Variants in CELSR1 observed in about 807,000 individuals in gnomAD.
The protein encoded by CELSR1 is cadherin EGF LAG seven-pass G-type receptor 1.
Under a neutral mutation model 249.1 loss-of-function variants are expected in CELSR1, and 110 were observed. The observed-to-expected ratio is 0.44, with a 90% CI of 0.38 to 0.52. The LOEUF is 0.52. Among genes scored for constraint, CELSR1 ranks in the 20% least tolerant of loss-of-function variants. The probability of loss-of-function intolerance (pLI) is 0.00; values close to 1 mark genes in which losing one functional copy is unlikely to be tolerated. For synonymous variants in CELSR1, 2,113 were observed against 1,900.0 expected (o/e 1.11, Z -2.92); for missense variants, 4,109 against 4,296.4 (o/e 0.96, Z 1.22).
rs543152062 is a variant in CELSR1 at position 46,521,436 on chromosome 22, C to T, written c.3544+12191G>A. ...AGGAGAATGGCATGAACCCGGGAGG[C>T]GGAGCTTGCAGTGAGCCGAGATCGC... On this transcript the variant is annotated intron_variant, in intron 1 of 34. Transcript: ENST00000674500. Among the ~76,000 whole-genome samples, 351 of 150,824 alleles carry T rather than the reference C, an allele frequency of 2.3e-3. 2 individuals carry two copies. Among genetic ancestry groups the T allele is most frequent in the Non-Finnish European group, 1.9e-4 (13 of 67,746 alleles).
rs1221383194 is a variant in CELSR1 at position 46,393,147 on chromosome 22, TC to T, written c.5964+994del. 6.6e-6 allele frequency among the ~76,000 whole-genome samples: 1 copy of T among 152,150 alleles called. No individual in the cohort carries two copies. The highest frequency in any genetic ancestry group is 2.4e-5 in the African/African-American group (1 of 41,428). On this transcript the variant is annotated intron_variant, in intron 14 of 34. Transcript: ENST00000674500. This position sits in a 1 kb window ranked among gnomAD's most constrained non-coding sequence, Gnocchi z 4.1. ...CAGCCGCATCTGCAGGAAGCTCACG[TC>T]CCTCGCCCAGGCTCCTGTTACCCTC...
At chr22:46,501,457 C>T (rs538733291) in intron 1 of CELSR1, among the ~76,000 whole-genome samples, 7 of 152,202 alleles carry the variant, frequency 4.6e-5, no homozygotes, top group East Asian at 3.9e-4. Context: ...CCACCCGCCT[C>T]GACCTCCCAG....
intron 9 of CELSR1, among the ~76,000 whole-genome samples, chr22:46,400,870 C>G (rs369129550): frequency 6.6e-6 from 1 of 151,532 alleles, no homozygotes; most frequent in East Asian, 1.9e-4. Flanking sequence ...AAGGATCACT[C>G]AAGCCCAGGA....
chr22:46,470,873 C>G (rs1029539724), intron 1 of CELSR1, among the ~76,000 whole-genome samples: 1 of 152,112 alleles, frequency 6.6e-6, no homozygotes, highest in African/African-American at 2.4e-5. Flanking sequence ...ACCTGTAATC[C>G]CAGCACTTTG....
intron 1 of CELSR1, among the ~76,000 whole-genome samples, chr22:46,470,364 C>A (rs1241502486): frequency 6.6e-6 from 1 of 151,838 alleles, no homozygotes; most frequent in Non-Finnish European, 1.5e-5. Flanking sequence ...CCCTGAGCTA[C>A]TCTGACCCCC....
chr22:46,377,494 G>A (rs2878858), intron 23 of CELSR1: 13,172 of 563,968 alleles, frequency 0.023, 920 homozygotes, highest in African/African-American at 0.18. Flanking sequence ...AGCACGCCAG[G>A]CTCCCTCCAC....
intron 1 of CELSR1, among the ~76,000 whole-genome samples, chr22:46,505,261 CAAAAAA>C (rs3081585): frequency 3.2e-5 from 2 of 62,556 alleles, no homozygotes; most frequent in East Asian, 7.1e-4. Flanking sequence ...GACTCTGTCT[CAAAAAA>C]AAAAAAAAAA....
At chr22:46,507,087 G>A (rs1007711496) in intron 1 of CELSR1, among the ~76,000 whole-genome samples, 1 of 152,234 alleles carries the variant, frequency 6.6e-6, no homozygotes, top group Non-Finnish European at 1.5e-5. Flanking sequence ...TCGGGAGGCT[G>A]AGGCTGGAGG....
intron 1 of CELSR1, among the ~76,000 whole-genome samples, chr22:46,466,862 G>A (rs2080101862): frequency 6.6e-6 from 1 of 152,166 alleles, no homozygotes; most frequent in South Asian, 2.1e-4. Context: ...AGGTGACGAG[G>A]GTGGGGCCCC....
At chr22:46,421,056 T>A (rs2079466098) in intron 5 of CELSR1, among the ~76,000 whole-genome samples, 1 of 152,238 alleles carries the variant, frequency 6.6e-6, no homozygotes, top group Non-Finnish European at 1.5e-5. Context: ...ATCTACTCTG[T>A]GCTTCAGTTT....
intron 25 of CELSR1, chr22:46,370,088 G>A (rs1182763283): frequency 1.9e-6 from 1 of 530,456 alleles, no homozygotes; most frequent in Admixed American, 2.2e-5. Context: ...AGAGACCCTG[G>A]AGGGTGGCAG....
At position 46,364,059 on chromosome 22, in the gene CELSR1, T is replaced by G. The variant is rs1284090548; in HGVS notation, c.8972A>C (p.His2991Pro). Reference protein sequence around the residue: ...KSPGREPGRDHLNGVAMNVRT... With the variant: ...KSPGREPGRDPLNGVAMNVRT... ...CACATTCATGGCCACCCCGTTGAGG[T>G]GGTCACGCCCCGGCTCCCTCCCAGG... Residue 2991 changes from histidine (H) to proline (P), a missense_variant, in exon 34 of 35, where the codon CAC (histidine) becomes CCC (proline). Physicochemically the swap from His to Pro is moderately conservative, Grantham distance 77 (BLOSUM62 -2). Coordinates refer to ENST00000674500, the MANE Select transcript of CELSR1 (RefSeq NM_001378328.1). 6.2e-7 allele frequency: 1 copy of G among 1,612,048 alleles called. No homozygotes were observed. Among genetic ancestry groups the G allele is most frequent in the Admixed American group, 1.7e-5 (1 of 59,966 alleles).
At chr22:46,458,697 T>A (rs1309690758) in intron 2 of CELSR1, among the ~76,000 whole-genome samples, 1 of 152,116 alleles carries the variant, frequency 6.6e-6, no homozygotes, top group Non-Finnish European at 1.5e-5. Context: ...GAGACTCACC[T>A]CTCACAAGAG....
chr22:46,512,288 T>C lies in CELSR1; in HGVS notation c.3544+21339A>G, dbSNP rs1309291723. Among the ~76,000 whole-genome samples, 3 of 151,796 alleles carry C rather than the reference T, an allele frequency of 2.0e-5. No individual in the cohort carries two copies. Among genetic ancestry groups the C allele is most frequent in the Admixed American group, 1.3e-4 (2 of 15,262 alleles). ...CAGCCCCCAAATCAAGGTCCAATAC[T>C]GGCCAGGTGCGGTGGCACATGCCTG... is the stretch of plus-strand genomic sequence containing the variant. On this transcript the variant is annotated intron_variant, in intron 1 of 34. Transcript: ENST00000674500. The surrounding 1 kb of genome is among the most constrained non-coding windows in gnomAD (Gnocchi z 5.2).
Position 46,441,866 on chromosome 22 carries a change from A to C in CELSR1, c.4184-2455T>G, listed in dbSNP as rs78478124. 0.028 allele frequency among the ~76,000 whole-genome samples: 4,328 copies of C among 152,340 alleles called. 207 individuals are homozygous for C. Among genetic ancestry groups the C allele is most frequent in the African/African-American group, 0.1 (4,143 of 41,570 alleles). ...AACTTTATTATCCATTTTTAAAAAT[A>C]AAGAGATCACGGTGGCTCACGCCTG... On this transcript the variant is annotated intron_variant, in intron 2 of 34. Coordinates refer to ENST00000674500, the MANE Select transcript of CELSR1 (RefSeq NM_001378328.1). The surrounding 1 kb of genome is among the most constrained non-coding windows in gnomAD (Gnocchi z 6.1).
intron 9 of CELSR1, among the ~76,000 whole-genome samples, chr22:46,403,802 G>A (rs1036566895): frequency 2.6e-5 from 4 of 151,328 alleles, no homozygotes; most frequent in Admixed American, 6.6e-5. Context: ...GTGAAACCCC[G>A]TCTCTACTAA....
At chr22:46,501,199 A>ATTTTTTTTTTTTTTTTTTTTTTTTTTT (rs57293109) in intron 1 of CELSR1, among the ~76,000 whole-genome samples, 1 of 108,556 alleles carries the variant, frequency 9.2e-6, no homozygotes, top group African/African-American at 4.1e-5. Flanking sequence ...TGCCCGGCTA[A>ATTTTTTTTTTTTTTTTTTTTTTTTTTT]TTTTTTTTTT....
chr22:46,523,391 T>C (rs1044974202), intron 1 of CELSR1, among the ~76,000 whole-genome samples: 1 of 151,852 alleles, frequency 6.6e-6, no homozygotes, highest in African/African-American at 2.4e-5. Flanking sequence ...TAGCTGGGTG[T>C]GGTAGCGGGC....
Position 46,374,879 on chromosome 22 carries a change from G to C in CELSR1, c.7585-1822C>G, listed in dbSNP as rs554764945. Among the ~76,000 whole-genome samples, 1 of 152,316 alleles carries C rather than the reference G, an allele frequency of 6.6e-6. No individual in the cohort carries two copies. The highest frequency in any genetic ancestry group is 1.9e-4 in the East Asian group (1 of 5,176). The stretch of plus-strand genomic sequence containing the variant: ...CCCTGCCATATGGGCCCCGCACACG[G>C]AGCCCCCGCCAGCCCGGGGCCTCGG... On this transcript the variant is annotated intron_variant, in intron 24 of 34. Transcript: ENST00000674500. This position sits in a 1 kb window ranked among gnomAD's most constrained non-coding sequence, Gnocchi z 4.3.
Sources: allele counts gnomAD v4.1 joint callset (sites outside exome capture counted in the v4.1 genomes callset), GRCh38; gene constraint gnomAD v4.1.1; non-coding constraint Gnocchi (gnomAD v3.1); transcripts MANE v1.5; gene names NCBI Gene and HGNC (gene_info 2026-07-23, HGNC 2026-07-21).